SLC5A1: variants seen among roughly 807,000 people sequenced by gnomAD.
The protein encoded by SLC5A1 is sodium/glucose cotransporter 1.
In SLC5A1, 42 loss-of-function variants were observed where a neutral mutation model predicts 73.5. That is an observed-to-expected ratio of 0.57 (90% CI 0.45 to 0.74). SLC5A1 has a LOEUF of 0.74. Among genes scored for constraint, SLC5A1 ranks in the 30% least tolerant of loss-of-function variants. SLC5A1 has a pLI of 0.00. For missense variants in SLC5A1, 634 were observed against 855.4 expected, an observed-to-expected ratio of 0.74 and a Z score of 3.23; for synonymous variants, 300 against 317.4, an observed-to-expected ratio of 0.95 and a Z score of 0.58.
rs770887669 is a variant in SLC5A1, at chr22:32,090,117, AC to A, written c.1130-1494del. Among the ~76,000 whole-genome samples, 554 of 146,370 alleles carry A rather than the reference AC, an allele frequency of 3.8e-3. 6 individuals are homozygous for A. The highest frequency in any genetic ancestry group is 0.015 in the East Asian group (77 of 5,006). On this transcript the variant is annotated intron_variant, in intron 10 of 14. Coordinates refer to ENST00000266088, the MANE Select transcript of SLC5A1 (RefSeq NM_000343.4). Reference sequence around the variant, plus strand: ...TTGTCTTTCAAAAAAAAAAAAAAAAACAAAAAAACTTAATTGAGCTTAAATT... The same window carrying A: ...TTGTCTTTCAAAAAAAAAAAAAAAAAAAAAAAACTTAATTGAGCTTAAATT...
At chr22:32,063,455 A>G (rs2093966974) in intron 2 of SLC5A1, among the ~76,000 whole-genome samples, 1 of 152,202 alleles carries the variant, frequency 6.6e-6, no homozygotes, top group South Asian at 2.1e-4. Flanking sequence ...AGAGGTCAAG[A>G]AAACATTCAA....
At chr22:32,088,214 T>C (rs4821037) in intron 10 of SLC5A1, among the ~76,000 whole-genome samples, 6,837 of 152,252 alleles carry the variant, frequency 0.045, 208 homozygotes, top group Non-Finnish European at 0.07. Flanking sequence ...CTAAACATTA[T>C]GCGGGAGTGG....
At chr22:32,078,721 G>A (rs747621477) in intron 5 of SLC5A1, among the ~76,000 whole-genome samples, 2 of 152,088 alleles carry the variant, frequency 1.3e-5, no homozygotes, top group Non-Finnish European at 2.9e-5. Flanking sequence ...TTGGGAGGCT[G>A]AGGTGGGTGG....
intron 5 of SLC5A1, among the ~76,000 whole-genome samples, chr22:32,081,473 A>C (rs2093999735): frequency 6.6e-6 from 1 of 152,144 alleles, no homozygotes; most frequent in African/African-American, 2.4e-5. Context: ...GCTCTGATAA[A>C]CCTGTGTACA....
chr22:32,068,607 C>A lies in SLC5A1; in HGVS notation c.477+7C>A, dbSNP rs1197431253. ...CATTTTCACCAAGATCTCGGTGAGT[C>A]CACTGCCCCAGAGGGCTGGGCTGTC... is the stretch of plus-strand genomic sequence containing the variant. On this transcript the variant is annotated splice_region_variant and intron_variant, in intron 5 of 14. Transcript: ENST00000266088. 1 of 1,576,160 alleles carries A rather than the reference C, an allele frequency of 6.3e-7. No individual in the cohort carries two copies. Among genetic ancestry groups the A allele is most frequent in the Non-Finnish European group, 8.7e-7 (1 of 1,146,758 alleles).
intron 7 of SLC5A1, 83 bp downstream of exon 7, chr22:32,083,237 C>T (rs2094002817): frequency 7.7e-6 from 9 of 1,161,872 alleles, no homozygotes; most frequent in Non-Finnish European, 1.2e-5. Flanking sequence ...AGCCTCTCTA[C>T]CTGCTTGCCA....
chr22:32,089,290 A>C (rs1262768382), intron 10 of SLC5A1, among the ~76,000 whole-genome samples: 1 of 152,254 alleles, frequency 6.6e-6, no homozygotes, highest in Non-Finnish European at 1.5e-5. Context: ...GCCATTAAAA[A>C]AACCTCGCAA....
intron 5 of SLC5A1, among the ~76,000 whole-genome samples, chr22:32,074,816 G>C (rs1053370252): frequency 6.6e-6 from 1 of 152,112 alleles, no homozygotes; most frequent in Admixed American, 6.5e-5. Flanking sequence ...TGCTGGTCTC[G>C]TCATTTAGTC....
chr22:32,067,009 AG>A lies in SLC5A1; in HGVS notation c.284del (p.Gly95AlafsTer32). 1 of 1,613,554 alleles carries A rather than the reference AG, an allele frequency of 6.2e-7. No individual in the cohort carries two copies. Among genetic ancestry groups the A allele is most frequent in the Non-Finnish European group, 8.5e-7 (1 of 1,179,552 alleles). On this transcript the variant is annotated frameshift_variant, in exon 3 of 15. Coordinates refer to ENST00000266088, the MANE Select transcript of SLC5A1 (RefSeq NM_000343.4). LOFTEE classifies it high-confidence loss of function. ...VGLAGTGAAS[G>X]IAIGGFEWNA... is the part of the protein sequence containing the mutation. ...GGCTGGCCGGGACTGGGGCAGCTTC[AG>A]GCATCGCCATTGGAGGCTTTGAATG...
intron 11 of SLC5A1, 72 bp from the exon 12 acceptor site, chr22:32,099,096 AAAAAAAAAAATATAT>A (rs917470479): frequency 6.2e-5 from 10 of 160,744 alleles, no homozygotes; most frequent in South Asian, 4.8e-4. Flanking sequence ...AAAAAAAAAA[AAAAAAAAAAATATAT>A]ATATATATAT....
intron 5 of SLC5A1, among the ~76,000 whole-genome samples, chr22:32,070,346 G>A (rs1230269592): frequency 6.8e-6 from 1 of 147,206 alleles, no homozygotes; most frequent in Non-Finnish European, 1.5e-5. Flanking sequence ...CTTTTTGTGA[G>A]ATAGGGTCTT....
At chr22:32,055,376 T>G (rs1385814383) in intron 2 of SLC5A1, among the ~76,000 whole-genome samples, 1 of 152,242 alleles carries the variant, frequency 6.6e-6, no homozygotes, top group East Asian at 1.9e-4. Context: ...CCAGGAAGTG[T>G]GATCCTTGAG....
At chr22:32,061,407 T>A (rs2093962737) in intron 2 of SLC5A1, among the ~76,000 whole-genome samples, 1 of 151,428 alleles carries the variant, frequency 6.6e-6, no homozygotes, top group Non-Finnish European at 1.5e-5. Context: ...AGAGCGAGAC[T>A]CTGTCTTAAA....
chr22:32,062,286 T>C (rs775830780), intron 2 of SLC5A1, among the ~76,000 whole-genome samples: 1 of 152,194 alleles, frequency 6.6e-6, no homozygotes, highest in Non-Finnish European at 1.5e-5. Context: ...AAAGATTCAA[T>C]GATTGGTTAA....
Position 32,099,355 on chromosome 22 carries a change from G to C in SLC5A1, c.1449+4G>C, listed in dbSNP as rs758325358. ...CTGGAAGAGAGTCAATGAGCCAGTA[G>C]GTATCATCTGGGCATGTCCAGAAAA... On this transcript the variant is annotated splice_donor_region_variant and intron_variant, in intron 12 of 14. Transcript: ENST00000266088. The C allele has an allele frequency of 1.9e-6, 3 of 1,610,892 alleles. No homozygotes were observed. The highest frequency in any genetic ancestry group is 2.2e-5 in the South Asian group (2 of 91,010).
At chr22:32,104,200 G>C (rs942741857) in intron 13 of SLC5A1, among the ~76,000 whole-genome samples, 12 of 152,282 alleles carry the variant, frequency 7.9e-5, no homozygotes, top group African/African-American at 2.9e-4. Context: ...TCTTTGTGTT[G>C]TATCAACTGC....
Position 32,073,545 on chromosome 22 carries a change from GTTTT to G in SLC5A1, c.477+4950_477+4953del, listed in dbSNP as rs995236438. Among the ~76,000 whole-genome samples, 7 of 151,682 alleles carry G rather than the reference GTTTT, an allele frequency of 4.6e-5. No homozygotes were observed. In the South Asian group the frequency reaches 1.3e-3, roughly 27 times the overall value. On this transcript the variant is annotated intron_variant, in intron 5 of 14. Transcript: ENST00000266088. ...TCTCCTCCTCTGCTTCAGGGTTGGT[GTTTT>G]TTTTGTTTGTTTGTTTTGTTTTTTT...
intron 5 of SLC5A1, among the ~76,000 whole-genome samples, chr22:32,076,846 G>A (rs1278784276): frequency 4.6e-5 from 7 of 152,190 alleles, no homozygotes; most frequent in East Asian, 1.9e-4. Flanking sequence ...GCTTTCCAAC[G>A]GGGGTCTGTA....
chr22:32,077,216 TTC>T (rs1436321407), intron 5 of SLC5A1, among the ~76,000 whole-genome samples: 1 of 151,326 alleles, frequency 6.6e-6, no homozygotes, highest in Non-Finnish European at 1.5e-5. Context: ...CTTTCCTTCC[TTC>T]TTTCCTTCCT....
Sources: gnomAD v4.1 joint callset for allele counts (sites outside exome capture counted in the v4.1 genomes callset) on GRCh38, gnomAD v4.1.1 for gene constraint, MANE v1.5 for transcripts, NCBI Gene and HGNC (gene_info 2026-07-23, HGNC 2026-07-21) for gene names.